The following LAMA3 variants were observed in gnomAD, a reference collection of about 807,000 sequenced individuals.
LAMA3 encodes laminin subunit alpha 3.
In LAMA3, 281 loss-of-function variants were observed where a neutral mutation model predicts 402.0. The observed-to-expected ratio is 0.70, with a 90% confidence interval of 0.63 to 0.77. LAMA3 has a LOEUF of 0.77. Ranked by LOEUF, LAMA3 falls within the 30% of genes least tolerant of loss-of-function variation. LAMA3 has a pLI of 0.00. For synonymous variants in LAMA3, 1,431 were observed against 1,558.4 expected (o/e 0.92, Z 1.93); for missense variants, 3,840 against 4,215.5 (o/e 0.91, Z 2.47).
chr18:23,721,152 T>C (rs1243941196), intron 2 of LAMA3, among the ~76,000 whole-genome samples: 1 of 151,962 alleles, frequency 6.6e-6, no homozygotes, highest in Non-Finnish European at 1.5e-5. Flanking sequence ...AGTAAGACCC[T>C]GCCTCTATTA....
In LAMA3 at chr18:23,905,549, A is replaced by G. The variant is rs745495225; in HGVS notation, c.6643A>G (p.Lys2215Glu). 2.5e-6 allele frequency: 4 copies of G among 1,610,686 alleles called. No individual in the cohort carries two copies. In the East Asian group the frequency reaches 8.9e-5, roughly 36 times the overall value. Reference sequence around the variant, plus strand: ...AGTGATAAAGGAAGATCTGCCAAGAAAAGCTAAAACCCTGAGTTCCAACAG... The same window carrying G: ...AGTGATAAAGGAAGATCTGCCAAGAGAAGCTAAAACCCTGAGTTCCAACAG... ...QTVIKEDLPR[K>E]AKTLSSNSDK... Residue 2215 changes from lysine (K) to glutamate (E), a missense_variant, in exon 52 of 75, where the codon AAA (lysine) becomes GAA (glutamate). Coordinates refer to ENST00000313654, the MANE Select transcript of LAMA3 (RefSeq NM_198129.4).
At chr18:23,760,030 A>G (rs1351057220) in intron 7 of LAMA3, among the ~76,000 whole-genome samples, 3 of 152,210 alleles carry the variant, frequency 2.0e-5, no homozygotes, top group Non-Finnish European at 2.9e-5. Flanking sequence ...TCAAACACTG[A>G]TTTAGGATAT....
At position 23,904,634 on chromosome 18, in the gene LAMA3, C is replaced by T. The variant is rs35872318; in HGVS notation, c.6555C>T (p.Ala2185=). ...CCGCCTACGAGAACATCCTCAATGC[C>T]ATCAAAGCGGCCGAGGACGCAGCCA... ...AATAYENILN[A]IKAAEDAANR... Residue 2185 remains alanine (A), a synonymous_variant, in exon 51 of 75, where the codon GCC becomes GCT. Coordinates refer to ENST00000313654, the MANE Select transcript of LAMA3 (RefSeq NM_198129.4). 6,927 of 1,613,804 alleles carry T rather than the reference C, an allele frequency of 4.3e-3. 273 individuals are homozygous for T. In the African/African-American group the frequency reaches 0.083, roughly 19 times the overall value.
chr18:23,751,162 C>T, intron 5 of LAMA3, 74 bp downstream of exon 5: 2 of 1,411,024 alleles, frequency 1.4e-6, no homozygotes, highest in Non-Finnish European at 2.0e-6. Context: ...TTGCCTTGAA[C>T]TCTTTTAAGT....
At chr18:23,732,666 C>G (rs2061412811) in intron 2 of LAMA3, among the ~76,000 whole-genome samples, 1 of 152,060 alleles carries the variant, frequency 6.6e-6, no homozygotes, top group African/African-American at 2.4e-5. Flanking sequence ...ACCAGGGAAG[C>G]TAATTGCTTA....
intron 2 of LAMA3, among the ~76,000 whole-genome samples, chr18:23,746,895 A>C (rs80342108): frequency 1.3e-5 from 2 of 151,966 alleles, no homozygotes; most frequent in South Asian, 2.1e-4. Context: ...AAAAAAAAAA[A>C]CAACTTACCA....
intron 72 of LAMA3, 29 bp from the exon 73 acceptor site, chr18:23,951,655 G>A: frequency 6.3e-7 from 1 of 1,594,062 alleles, no homozygotes; most frequent in Non-Finnish European, 8.6e-7. Context: ...CCTTCCTGAA[G>A]GAAATAGGAA....
chr18:23,731,297 C>G (rs952085849), intron 2 of LAMA3, among the ~76,000 whole-genome samples: 4 of 152,148 alleles, frequency 2.6e-5, no homozygotes, highest in Admixed American at 1.3e-4. Flanking sequence ...GGGATTCATC[C>G]TAAGCATCTA....
At chr18:23,921,198 T>G (rs2081823697) in intron 61 of LAMA3, 144 bp downstream of exon 61, 2 of 1,046,102 alleles carry the variant, frequency 1.9e-6, no homozygotes. Flanking sequence ...CCTTTTAAAA[T>G]TTGCACATTT....
chr18:23,897,520 C>G (rs1163041020), intron 44 of LAMA3, among the ~76,000 whole-genome samples: 1 of 152,154 alleles, frequency 6.6e-6, no homozygotes, highest in East Asian at 1.9e-4. Flanking sequence ...GGGCTTTACT[C>G]AAGTCTCACA....
chr18:23,939,661 A>G (rs905207894), intron 68 of LAMA3, among the ~76,000 whole-genome samples: 1 of 152,256 alleles, frequency 6.6e-6, no homozygotes, highest in African/African-American at 2.4e-5. Flanking sequence ...TGTTCTAAAA[A>G]TAAGGATGAC....
At chr18:23,745,958 C>T (rs915419381) in intron 2 of LAMA3, among the ~76,000 whole-genome samples, 2 of 152,068 alleles carry the variant, frequency 1.3e-5, no homozygotes, top group Non-Finnish European at 2.9e-5. Flanking sequence ...GAGTTTTTAG[C>T]GAAATATATT....
Position 23,838,894 on chromosome 18 carries a change from C to T in LAMA3, c.3191+16C>T, listed in dbSNP as rs778996433. The T allele has an allele frequency of 7.0e-6, 10 of 1,432,692 alleles. No homozygotes were observed. Among genetic ancestry groups the T allele is most frequent in the African/African-American group, 2.8e-5 (2 of 71,294 alleles). 88.7% of individuals were successfully genotyped at this position (1,432,692 alleles called of 1,614,324 possible). On this transcript the variant is annotated intron_variant, in intron 26 of 74. Transcript: ENST00000313654. ...TCAATCAAAGGTAATGTGTTTCCTT[C>T]CTGTCTCCCCGTTCATGTTCTGAGT...
chr18:23,905,637 G>T lies in LAMA3; in HGVS notation c.6718+13G>T. The T allele has an allele frequency of 6.9e-7, 1 of 1,455,966 alleles. No individual in the cohort carries two copies. Among genetic ancestry groups the T allele is most frequent in the Non-Finnish European group, 9.6e-7 (1 of 1,037,044 alleles). The allele number at this position is 1,455,966 out of a possible 1,614,324, so 90.2% of individuals were successfully genotyped here. A position where few individuals can be genotyped will look rare whatever the true frequency, so the allele number is the denominator to read the frequency against. The stretch of plus-strand genomic sequence containing the variant: ...AAGCTAAAGCAAGGTATTAGGGGGA[G>T]TGGGCAATGGCAGGGATAGTCAGGA... On this transcript the variant is annotated intron_variant, in intron 52 of 74. Transcript: ENST00000313654.
chr18:23,750,187 G>A (rs1191573334), intron 4 of LAMA3, among the ~76,000 whole-genome samples: 1 of 152,138 alleles, frequency 6.6e-6, no homozygotes, highest in African/African-American at 2.4e-5. Flanking sequence ...TAAGGGAGAT[G>A]GGCAAACAAA....
chr18:23,712,788 G>A (rs1482691348), intron 1 of LAMA3, among the ~76,000 whole-genome samples: 1 of 151,012 alleles, frequency 6.6e-6, no homozygotes. Context: ...CTGGCTAGGG[G>A]CAGAGCTACC....
intron 66 of LAMA3, among the ~76,000 whole-genome samples, chr18:23,933,435 G>A (rs2082224511): frequency 6.6e-6 from 1 of 152,080 alleles, no homozygotes; most frequent in Non-Finnish European, 1.5e-5. Flanking sequence ...ACATTTATGG[G>A]TTACATGTGA....
intron 2 of LAMA3, among the ~76,000 whole-genome samples, chr18:23,724,287 CT>C (rs2061261736): frequency 6.6e-6 from 1 of 152,092 alleles, no homozygotes; most frequent in African/African-American, 2.4e-5. Flanking sequence ...GCATGTATTA[CT>C]TTTAGAATTA....
Position 23,840,377 on chromosome 18 carries a change from C to CTTTTTTTTTTTTTTTTTT in LAMA3, c.3336+451_3336+452insTTTTTTTTTTTTTTTTTT, listed in dbSNP as rs201657216. On this transcript the variant is annotated intron_variant, in intron 27 of 74. Coordinates refer to ENST00000313654, the MANE Select transcript of LAMA3 (RefSeq NM_198129.4). ...ATAGTTATTGTAGCCAAGAACCTTT[C>CTTTTTTTTTTTTTTTTTT]TTTCTTTTTTTTTTTTTTTTTTTGA... Among the ~76,000 whole-genome samples the CTTTTTTTTTTTTTTTTTT allele has an allele frequency of 2.5e-5, 2 of 79,514 alleles. 1 individual carries two copies. 52.2% of individuals were successfully genotyped at this position (79,514 alleles called of 152,430 possible).
Sources: allele counts gnomAD v4.1 joint callset (sites outside exome capture counted in the v4.1 genomes callset), GRCh38; gene constraint gnomAD v4.1.1; transcripts MANE v1.5; gene names NCBI Gene and HGNC (gene_info 2026-07-23, HGNC 2026-07-21).